The following RABEP1 variants were observed in gnomAD, a reference collection of about 807,000 sequenced individuals.
RABEP1 encodes the protein rabaptin, RAB GTPase binding effector protein 1.
RABEP1 carries 51 observed loss-of-function variants against 123.4 expected under a neutral mutation model. The observed-to-expected ratio is 0.41, with a 90% CI of 0.33 to 0.52. RABEP1 has a LOEUF of 0.52. RABEP1 is among the 20% of genes least tolerant of loss of function. RABEP1 has a pLI of 0.16. For synonymous variants in RABEP1, 347 were observed against 355.2 expected (o/e 0.98, Z 0.26); for missense variants, 888 against 996.3 (o/e 0.89, Z 1.46).
intron 5 of RABEP1, among the ~76,000 whole-genome samples, chr17:5,341,316 TAAC>T (rs1044781581): frequency 2.6e-5 from 4 of 151,990 alleles, no homozygotes; most frequent in African/African-American, 9.7e-5. Context: ...AATTTAAAAA[TAAC>T]AAATACTATA....
chr17:5,338,527 C>G (rs1006924397), intron 5 of RABEP1, among the ~76,000 whole-genome samples: 1 of 152,228 alleles, frequency 6.6e-6, no homozygotes, highest in Non-Finnish European at 1.5e-5. Flanking sequence ...GAGATTGTGC[C>G]TTTGCACTCC....
intron 1 of RABEP1, 105 bp from the exon 2 acceptor site, chr17:5,308,589 C>A: frequency 9.4e-7 from 1 of 1,059,952 alleles, no homozygotes; most frequent in Non-Finnish European, 1.3e-6. Flanking sequence ...AGAAGCTTGA[C>A]TACTTGTTTC....
intron 11 of RABEP1, among the ~76,000 whole-genome samples, chr17:5,367,396 TG>T (rs1205426655): frequency 6.6e-6 from 1 of 150,538 alleles, no homozygotes; most frequent in African/African-American, 2.4e-5. Context: ...CTCAGCCTCC[TG>T]AGTAGCTGGG....
At chr17:5,330,791 G>C (rs1469690755) in intron 2 of RABEP1, among the ~76,000 whole-genome samples, 1 of 152,120 alleles carries the variant, frequency 6.6e-6, no homozygotes, top group East Asian at 1.9e-4. Flanking sequence ...GGGAGGCTGA[G>C]GCGGGAGGAT....
In RABEP1 at chr17:5,308,821, G is replaced by A. The variant is rs892111171; in HGVS notation, c.162G>A (p.Glu54=). The change falls in exon 2 of 18, where the codon GAG becomes GAA. Residue 54 remains glutamate, a splice_region_variant and synonymous_variant. Coordinates refer to ENST00000537505, the MANE Select transcript of RABEP1 (RefSeq NM_004703.6). ...AKFKELYLAK[E]EDLKRQNAVL... ...TTAAGGAGTTATATTTGGCTAAAGA[G>A]GGTAAGTTCATAAGTCTCGCACCAA... 1 of 1,605,972 alleles carries A rather than the reference G, an allele frequency of 6.2e-7. No homozygotes were observed. The highest frequency in any genetic ancestry group is 8.5e-7 in the Non-Finnish European group (1 of 1,175,512).
chr17:5,295,750 A>G (rs887239988), intron 1 of RABEP1, among the ~76,000 whole-genome samples: 5 of 152,212 alleles, frequency 3.3e-5, no homozygotes, highest in Non-Finnish European at 7.3e-5. Context: ...CACGTTCACA[A>G]GTAGAGCATT....
chr17:5,314,234 C>CTTTTTTTTT lies in RABEP1; in HGVS notation c.163+5430_163+5438dup, dbSNP rs71151864. 1.5e-3 allele frequency among the ~76,000 whole-genome samples: 85 copies of CTTTTTTTTT among 55,578 alleles called. 18 individuals carry two copies. The highest frequency in any genetic ancestry group is 3.8e-3 in the African/African-American group (55 of 14,526). The allele number at this position is 55,578 out of a possible 152,430, so 36.5% of individuals were successfully genotyped here. On this transcript the variant is annotated intron_variant, in intron 2 of 17. Transcript: ENST00000537505. ...GCCTGTTCTTTTCTTAGTACCTATT[C>CTTTTTTTTT]TTTTTTTTTTTTTTTTTTTTTTTTT...
At chr17:5,349,810 A>G (rs1429753758) in intron 6 of RABEP1, among the ~76,000 whole-genome samples, 1 of 152,196 alleles carries the variant, frequency 6.6e-6, no homozygotes, top group Non-Finnish European at 1.5e-5. Context: ...CCCCGAGTTC[A>G]AAGTCCTGCA....
At chr17:5,291,529 T>C (rs2075033775) in intron 1 of RABEP1, among the ~76,000 whole-genome samples, 1 of 152,232 alleles carries the variant, frequency 6.6e-6, no homozygotes, top group South Asian at 2.1e-4. Flanking sequence ...ATATTGCACA[T>C]GTGGTTTTGC....
intron 8 of RABEP1, among the ~76,000 whole-genome samples, chr17:5,357,604 C>G (rs1909141286): frequency 6.6e-6 from 1 of 152,120 alleles, no homozygotes; most frequent in Non-Finnish European, 1.5e-5. Flanking sequence ...CTCCTGGCCT[C>G]AAGTGATTTG....
At chr17:5,303,334 C>G (rs1440520880) in intron 1 of RABEP1, among the ~76,000 whole-genome samples, 6 of 152,078 alleles carry the variant, frequency 3.9e-5, no homozygotes, top group African/African-American at 1.4e-4. Flanking sequence ...CTCTGCCTCC[C>G]AGGTTCGAGC....
At chr17:5,320,277 C>T (rs896465009) in intron 2 of RABEP1, among the ~76,000 whole-genome samples, 4 of 151,860 alleles carry the variant, frequency 2.6e-5, no homozygotes, top group African/African-American at 4.8e-5. Flanking sequence ...AATTGTATAT[C>T]CAACAAAGTT....
chr17:5,380,614 C>A, intron 16 of RABEP1, 152 bp downstream of exon 16: 1 of 701,158 alleles, frequency 1.4e-6, no homozygotes, highest in Non-Finnish European at 2.5e-6. Flanking sequence ...AAAACTTAAA[C>A]GAATTGATCT....
chr17:5,293,557 C>A (rs2075052971), intron 1 of RABEP1, among the ~76,000 whole-genome samples: 1 of 152,068 alleles, frequency 6.6e-6, no homozygotes, highest in African/African-American at 2.4e-5. Context: ...TAGGCACATG[C>A]CACCATGCCT....
chr17:5,343,446 C>T (rs528060014), intron 5 of RABEP1, among the ~76,000 whole-genome samples: 3 of 151,690 alleles, frequency 2.0e-5, no homozygotes, highest in Middle Eastern at 3.4e-3. Context: ...CCCAGCTACT[C>T]GGGACGAGGC....
chr17:5,314,139 C>T (rs1469739831), intron 2 of RABEP1, among the ~76,000 whole-genome samples: 1 of 150,368 alleles, frequency 6.7e-6, no homozygotes, highest in Non-Finnish European at 1.5e-5. Context: ...TGTGTTTGCA[C>T]TTGTTTGGAG....
At chr17:5,325,200 G>A (rs1473648606) in intron 2 of RABEP1, among the ~76,000 whole-genome samples, 2 of 152,036 alleles carry the variant, frequency 1.3e-5, no homozygotes, top group African/African-American at 2.4e-5. Flanking sequence ...TCTAGGCGTA[G>A]TGGTGCCTGC....
intron 13 of RABEP1, among the ~76,000 whole-genome samples, chr17:5,374,368 A>T (rs1405453666): frequency 6.6e-6 from 1 of 151,938 alleles, no homozygotes; most frequent in Non-Finnish European, 1.5e-5. Context: ...TGGTTGGGTA[A>T]ACCTGGGCTA....
At chr17:5,346,617 T>C (rs1003483443) in intron 5 of RABEP1, among the ~76,000 whole-genome samples, 173 bp from the exon 6 acceptor site, 16 of 152,230 alleles carry the variant, frequency 1.1e-4, no homozygotes, top group African/African-American at 3.6e-4. Flanking sequence ...TTAAGTTATT[T>C]TCCCAGTTTT....
Sources: allele counts gnomAD v4.1 joint callset (sites outside exome capture counted in the v4.1 genomes callset), GRCh38; gene constraint gnomAD v4.1.1; transcripts MANE v1.5; gene names NCBI Gene and HGNC (gene_info 2026-07-23, HGNC 2026-07-21).